Variants in ABHD12B observed in about 807,000 individuals in gnomAD.
ABHD12B encodes the protein protein ABHD12B.
In ABHD12B, 42 loss-of-function variants were observed where a neutral mutation model predicts 50.4. That is an observed-to-expected ratio of 0.83 (90% CI 0.65 to 1.08). The LOEUF (loss-of-function observed/expected upper bound fraction) is 1.08, where lower values mean the gene tolerates loss of function less well. Ranked by LOEUF, ABHD12B falls within the 50% of genes least tolerant of loss-of-function variation. The pLI, the probability that ABHD12B is intolerant of heterozygous loss-of-function variation, is 0.00. For missense variants in ABHD12B, 479 were observed against 447.7 expected, an observed-to-expected ratio of 1.07 and a Z score of -0.63; for synonymous variants, 167 against 160.3, an observed-to-expected ratio of 1.04 and a Z score of -0.32.
chr14:50,894,206 T>G (rs2050161275), intron 9 of ABHD12B, among the ~76,000 whole-genome samples: 1 of 139,280 alleles, frequency 7.2e-6, no homozygotes, highest in South Asian at 2.1e-4. Context: ...CCCGCTTTCC[T>G]GGGGCAGGGG....
At chr14:50,902,352 C>T (rs1034732764) in intron 10 of ABHD12B, among the ~76,000 whole-genome samples, 3 of 152,102 alleles carry the variant, frequency 2.0e-5, no homozygotes, top group Non-Finnish European at 2.9e-5. Context: ...GGCGTGGGGG[C>T]ACGTGCCTGT....
intron 1 of ABHD12B, among the ~76,000 whole-genome samples, chr14:50,875,980 TAGAAGGAAGCC>T (rs2049858313): frequency 6.6e-6 from 1 of 152,012 alleles, no homozygotes; most frequent in Admixed American, 6.6e-5. Flanking sequence ...GAGGGGAGCT[TAGAAGGAAGCC>T]AGCAGGAGCC....
intron 5 of ABHD12B, among the ~76,000 whole-genome samples, chr14:50,885,127 C>T (rs764666557): frequency 2.6e-5 from 4 of 152,292 alleles, no homozygotes; most frequent in Non-Finnish European, 5.9e-5. Flanking sequence ...GCAGAGCCAG[C>T]GTGAGACCCC....
intron 9 of ABHD12B, among the ~76,000 whole-genome samples, chr14:50,890,858 A>G (rs2050107848): frequency 6.6e-6 from 1 of 152,244 alleles, no homozygotes. Flanking sequence ...TAAGGTATCC[A>G]TATGGCCAGC....
chr14:50,891,451 G>A (rs2050118897), intron 9 of ABHD12B: 3 of 152,220 alleles, frequency 2.0e-5, no homozygotes, highest in Admixed American at 1.3e-4. Context: ...CACCGTGTTA[G>A]GCAGGATGAT....
chr14:50,878,813 C>G lies in ABHD12B; in HGVS notation c.301C>G (p.Leu101Val), dbSNP rs2049897639. 5.6e-6 allele frequency: 9 copies of G among 1,613,844 alleles called. No homozygotes were observed. The highest frequency in any genetic ancestry group is 1.1e-5 in the South Asian group (1 of 91,090). The change falls in exon 3 of 13, where the codon CTG becomes GTG. Residue 101 changes from leucine (L) to valine (V), a missense_variant. Transcript: ENST00000337334. The part of the protein sequence containing the change: ...LKIPHTVNFY[L>V]RVEPGVMLGI... ...GATTCCTCACACAGTGAACTTCTACCTGAGAGTTGAACCTGGGGTGATGCT... is the reference window on the plus strand; with the variant it reads ...GATTCCTCACACAGTGAACTTCTACGTGAGAGTTGAACCTGGGGTGATGCT...
chr14:50,902,926 A>G (rs1443994485), intron 10 of ABHD12B, among the ~76,000 whole-genome samples: 1 of 152,192 alleles, frequency 6.6e-6, no homozygotes, highest in African/African-American at 2.4e-5. Flanking sequence ...TTATGGAGAA[A>G]AGTAAACAAA....
Position 50,897,554 on chromosome 14 carries a change from TAAATAGG to T in ABHD12B, c.781-4273_781-4267del, listed in dbSNP as rs201527164. ...TCTATCACTTGATCTCAACAGGACA[TAAATAGG>T]AGGTATAAAGTTAACAGGGATTTCT... On this transcript the variant is annotated intron_variant, in intron 9 of 12. Transcript: ENST00000337334. 6.6e-3 allele frequency among the ~76,000 whole-genome samples: 1,013 copies of T among 152,352 alleles called. 13 individuals carry two copies. Among genetic ancestry groups the T allele is most frequent in the African/African-American group, 0.023 (946 of 41,582 alleles).
rs546403862 is a variant in ABHD12B at position 50,887,617 on chromosome 14, T to C, written c.700+933T>C. 4.6e-5 allele frequency among the ~76,000 whole-genome samples: 7 copies of C among 152,296 alleles called. No homozygotes were observed. The East Asian group carries it at 1.4e-3, about 29-fold the overall frequency. On this transcript the variant is annotated intron_variant, in intron 8 of 12. Coordinates refer to ENST00000337334, the MANE Select transcript of ABHD12B (RefSeq NM_001206673.2). Reference sequence around the variant, plus strand: ...GCTACACATGGCTTATGGAAAATCATAGAAATGATTTGAGGTTTGAACTGA... The same window carrying C: ...GCTACACATGGCTTATGGAAAATCACAGAAATGATTTGAGGTTTGAACTGA...
intron 9 of ABHD12B, among the ~76,000 whole-genome samples, chr14:50,896,766 A>G (rs1403372070): frequency 4.6e-5 from 7 of 151,724 alleles, no homozygotes; most frequent in Non-Finnish European, 5.9e-5. Flanking sequence ...CCCCACCCCT[A>G]TCTCCCTTGG....
At chr14:50,880,272 C>G (rs1306630504) in intron 3 of ABHD12B, among the ~76,000 whole-genome samples, 180 bp from the exon 4 acceptor site, 2 of 152,136 alleles carry the variant, frequency 1.3e-5, no homozygotes, top group African/African-American at 4.8e-5. Flanking sequence ...TGGGGTAGGG[C>G]AGTTGTGGTT....
intron 1 of ABHD12B, among the ~76,000 whole-genome samples, chr14:50,872,566 G>T (rs1003791344): frequency 1.3e-5 from 2 of 152,180 alleles, no homozygotes; most frequent in Non-Finnish European, 2.9e-5. Context: ...AGATGCCAGG[G>T]AGATGGTTGA....
chr14:50,872,425 G>C (rs1347882376), intron 1 of ABHD12B, 147 bp downstream of exon 1: 14 of 505,644 alleles, frequency 2.8e-5, no homozygotes, highest in Non-Finnish European at 4.2e-5. Flanking sequence ...GGGGGACCTC[G>C]GCGGCCCCCT....
intron 3 of ABHD12B, among the ~76,000 whole-genome samples, chr14:50,879,898 A>T (rs1193879824): frequency 6.6e-6 from 1 of 152,230 alleles, no homozygotes; most frequent in East Asian, 1.9e-4. Context: ...TCCCATGGTG[A>T]CATGTCATAT....
At chr14:50,882,390 T>TTTC (rs1382108404) in intron 5 of ABHD12B, among the ~76,000 whole-genome samples, 1 of 142,660 alleles carries the variant, frequency 7.0e-6, no homozygotes, top group African/African-American at 2.7e-5. Context: ...TTTTTTTTTT[T>TTTC]TTTTGAGACG....
chr14:50,872,339 G>A, intron 1 of ABHD12B, 61 bp downstream of exon 1: 1 of 1,175,188 alleles, frequency 8.5e-7, no homozygotes, highest in Non-Finnish European at 1.1e-6. Flanking sequence ...GCGGGGATGG[G>A]GCAGGGGGCC....
At chr14:50,877,696 G>A (rs1021224910) in intron 1 of ABHD12B, among the ~76,000 whole-genome samples, 1 of 152,036 alleles carries the variant, frequency 6.6e-6, no homozygotes, top group Non-Finnish European at 1.5e-5. Context: ...GTGAAACCCT[G>A]TCTCTACTAA....
chr14:50,892,461 G>A lies in ABHD12B; in HGVS notation c.780+3558G>A, dbSNP rs190305184. ...AAAGGGCCTGTTGTTTCTGCCCTCC[G>A]CTAAGGTAGGCAGTGGAGGAGGGGC... On this transcript the variant is annotated intron_variant, in intron 9 of 12. Coordinates refer to ENST00000337334, the MANE Select transcript of ABHD12B (RefSeq NM_001206673.2). The A allele has an allele frequency of 2.1e-4, 210 of 985,420 alleles. 1 individual carries two copies. The East Asian group carries it at 8.2e-3, about 38-fold the overall frequency. 61.0% of individuals were successfully genotyped at this position (985,420 alleles called of 1,614,324 possible).
In ABHD12B at chr14:50,904,510, C is replaced by A; in HGVS notation, c.*144C>A. The A allele has an allele frequency of 9.9e-7, 1 of 1,008,668 alleles. No homozygotes were observed. The highest frequency in any genetic ancestry group is 1.5e-6 in the Non-Finnish European group (1 of 654,446). 62.5% of individuals were successfully genotyped at this position (1,008,668 alleles called of 1,614,324 possible). A position where few individuals can be genotyped will look rare whatever the true frequency, so the allele number is the denominator to read the frequency against. Reference sequence around the variant, plus strand: ...TACAAATCACTTGCCATTTTAACAACAGAAAGTACGAATGTTAGGCAGTAT... The same window carrying A: ...TACAAATCACTTGCCATTTTAACAAAAGAAAGTACGAATGTTAGGCAGTAT... On this transcript the variant is annotated 3_prime_UTR_variant, in exon 13 of 13. Coordinates refer to ENST00000337334, the MANE Select transcript of ABHD12B (RefSeq NM_001206673.2).
Sources: gnomAD v4.1 joint callset for allele counts (sites outside exome capture counted in the v4.1 genomes callset) on GRCh38, gnomAD v4.1.1 for gene constraint, MANE v1.5 for transcripts, NCBI Gene and HGNC (gene_info 2026-07-23, HGNC 2026-07-21) for gene names.